TMEM178B: variants seen among roughly 807,000 people sequenced by gnomAD.
TMEM178B encodes transmembrane protein 178B.
A neutral mutation model predicts 31.0 loss-of-function variants in TMEM178B; 5 were observed. That is an observed-to-expected ratio of 0.16 (90% confidence interval 0.08 to 0.34). TMEM178B has a LOEUF of 0.34. TMEM178B is among the 10% of genes least tolerant of loss of function. The pLI is 1.00. For missense variants in TMEM178B, 275 were observed against 400.3 expected (o/e 0.69, Z 2.67); for synonymous variants, 164 against 164.0 (o/e 1.00, Z 0.00).
chr7:141,486,035 G>T, the TMEM178B span, among the ~76,000 whole-genome samples: 1 of 152,180 alleles, frequency 6.6e-6, no homozygotes, highest in Non-Finnish European at 1.5e-5. Flanking sequence ...AGAGAATGTG[G>T]TGGTGCATAT....
Position 141,475,268 on chromosome 7 carries a change from T to C in TMEM178B, c.*4482T>C, listed in dbSNP as rs1422453393. 1.3e-5 allele frequency: 2 copies of C among 152,172 alleles called. No homozygotes were observed. The highest frequency in any genetic ancestry group is 2.9e-5 in the Non-Finnish European group (2 of 68,012). The allele number at this position is 152,172 out of a possible 1,614,324, so 9.4% of individuals were successfully genotyped here. A position where few individuals can be genotyped will look rare whatever the true frequency, so the allele number is the denominator to read the frequency against. The stretch of plus-strand genomic sequence containing the variant: ...CCCCACCAGAGTTGACATACACACG[T>C]GATTCTCGTGTCTGTCTCTCAAAGC... On this transcript the variant is annotated 3_prime_UTR_variant, in exon 4 of 4. Transcript: ENST00000565468.
At chr7:141,292,919 T>A (rs1423889994) in intron 2 of TMEM178B, among the ~76,000 whole-genome samples, 1 of 152,124 alleles carries the variant, frequency 6.6e-6, no homozygotes, top group Non-Finnish European at 1.5e-5. Flanking sequence ...CTTACAAGTG[T>A]GAGCCACCGC....
chr7:141,445,984 G>C (rs1801746709), intron 3 of TMEM178B, among the ~76,000 whole-genome samples: 1 of 152,228 alleles, frequency 6.6e-6, no homozygotes, highest in Non-Finnish European at 1.5e-5. Flanking sequence ...GGAAAGTGCA[G>C]ATTTCAATAT....
chr7:141,306,040 A>ACGTAGCATCCGG (rs1402199527), intron 2 of TMEM178B, among the ~76,000 whole-genome samples: 1 of 152,192 alleles, frequency 6.6e-6, no homozygotes, highest in Non-Finnish European at 1.5e-5. Context: ...TCTGTATACC[A>ACGTAGCATCCGG]CGTAGCATCC....
the TMEM178B span, among the ~76,000 whole-genome samples, chr7:141,492,778 C>T: frequency 6.6e-6 from 1 of 152,192 alleles, no homozygotes; most frequent in Non-Finnish European, 1.5e-5. Flanking sequence ...CTCACAAACC[C>T]CATTCCTGAC....
chr7:141,315,812 T>C (rs1798992607), intron 2 of TMEM178B, among the ~76,000 whole-genome samples: 1 of 152,200 alleles, frequency 6.6e-6, no homozygotes, highest in South Asian at 2.1e-4. Flanking sequence ...TATCTGGGAC[T>C]TCTACCTTAT....
At chr7:141,489,683 A>G in the TMEM178B span, among the ~76,000 whole-genome samples, 1 of 151,994 alleles carries the variant, frequency 6.6e-6, no homozygotes, top group African/African-American at 2.4e-5. Context: ...AGGCACACAC[A>G]TTTTCCCGTG....
intron 3 of TMEM178B, among the ~76,000 whole-genome samples, chr7:141,468,884 A>G (rs536938030): frequency 1.7e-4 from 26 of 152,312 alleles, no homozygotes; most frequent in Non-Finnish European, 2.8e-4. Flanking sequence ...TCTGATACAT[A>G]GGGCTCAAAG....
chr7:141,334,579 G>C (rs982160183), intron 2 of TMEM178B, among the ~76,000 whole-genome samples: 1 of 152,154 alleles, frequency 6.6e-6, no homozygotes, highest in Non-Finnish European at 1.5e-5. Context: ...TTGGGAACAG[G>C]GGGGAAAAGC....
chr7:141,190,818 A>T (rs1796685631), intron 1 of TMEM178B, among the ~76,000 whole-genome samples: 1 of 152,188 alleles, frequency 6.6e-6, no homozygotes, highest in African/African-American at 2.4e-5. Flanking sequence ...CCTTCTGTAG[A>T]CAACCAATAT....
At chr7:141,490,574 T>G in the TMEM178B span, among the ~76,000 whole-genome samples, 3 of 152,188 alleles carry the variant, frequency 2.0e-5, no homozygotes, top group African/African-American at 7.2e-5. Context: ...GACAATACAT[T>G]TCTGTTGTTT....
intron 2 of TMEM178B, among the ~76,000 whole-genome samples, chr7:141,370,418 G>A (rs6972658): frequency 0.63 from 96,507 of 152,096 alleles, 33,008 homozygotes; most frequent in African/African-American, 0.91. Context: ...AATGTGCAAA[G>A]TGCATAAGAC....
chr7:141,295,272 A>G (rs1321864920), intron 2 of TMEM178B, among the ~76,000 whole-genome samples: 1 of 152,134 alleles, frequency 6.6e-6, no homozygotes, highest in Non-Finnish European at 1.5e-5. Flanking sequence ...TGTGCCCTCC[A>G]CCATGGTTAA....
intron 1 of TMEM178B, among the ~76,000 whole-genome samples, chr7:141,179,588 A>T (rs1212655619): frequency 6.6e-6 from 1 of 152,228 alleles, no homozygotes; most frequent in African/African-American, 2.4e-5. Context: ...GTTGTAGTTC[A>T]AGTTCTATTT....
intron 2 of TMEM178B, among the ~76,000 whole-genome samples, chr7:141,217,725 T>C (rs1003862359): frequency 1.3e-5 from 2 of 152,124 alleles, no homozygotes; most frequent in Non-Finnish European, 2.9e-5. Context: ...TGTGGGCAGC[T>C]GTTACTAAGG....
chr7:141,106,702 TC>T (rs1381055564), intron 1 of TMEM178B, among the ~76,000 whole-genome samples: 1 of 152,198 alleles, frequency 6.6e-6, no homozygotes, highest in African/African-American at 2.4e-5. Context: ...CCAGTGGTCC[TC>T]CCCCATCATC....
intron 2 of TMEM178B, among the ~76,000 whole-genome samples, chr7:141,300,613 C>G (rs1203918614): frequency 6.6e-6 from 1 of 152,112 alleles, no homozygotes; most frequent in Non-Finnish European, 1.5e-5. Context: ...TTTCTCGGAT[C>G]CTCCCATCTC....
chr7:141,089,517 C>A (rs1794844042), intron 1 of TMEM178B, among the ~76,000 whole-genome samples: 1 of 152,138 alleles, frequency 6.6e-6, no homozygotes, highest in South Asian at 2.1e-4. Flanking sequence ...TGGGTATATA[C>A]CCAAAGGATT....
In TMEM178B at chr7:141,315,460, T is replaced by C. The variant is rs1421267207; in HGVS notation, c.496+102756T>C. On this transcript the variant is annotated intron_variant, in intron 2 of 3. Coordinates refer to ENST00000565468, the MANE Select transcript of TMEM178B (RefSeq NM_001195278.2). The stretch of plus-strand genomic sequence containing the variant: ...ACCTATGCTTTTGCTAGTTTCCTTG[T>C]CTAGAATGCCCTCTCACTTTCCTCT... Among the ~76,000 whole-genome samples, 6 of 152,204 alleles carry C rather than the reference T, an allele frequency of 3.9e-5. 1 individual carries two copies. The highest frequency in any genetic ancestry group is 1.3e-4 in the Admixed American group (2 of 15,274).
Sources: allele counts gnomAD v4.1 joint callset (sites outside exome capture counted in the v4.1 genomes callset), GRCh38; gene constraint gnomAD v4.1.1; transcripts MANE v1.5; gene names NCBI Gene and HGNC (gene_info 2026-07-23, HGNC 2026-07-21).